Variants in SERPINA12 observed in about 807,000 individuals in gnomAD.
The protein encoded by SERPINA12 is serpin A12.
SERPINA12 carries 21 observed loss-of-function variants against 25.9 expected under a neutral mutation model. The ratio of observed to expected loss-of-function variants is 0.81; its 90% CI spans 0.58 to 1.17. The LOEUF is 1.17. Among genes scored for constraint, SERPINA12 ranks in the 50% most tolerant of loss-of-function variants. The pLI, the probability that SERPINA12 is intolerant of heterozygous loss-of-function variation, is 0.00. For missense variants in SERPINA12, 562 were observed against 508.3 expected (o/e 1.11, Z -1.02); for synonymous variants, 220 against 196.0 (o/e 1.12, Z -1.02).
At chr14:94,491,377 G>GT (rs1052911977) in intron 3 of SERPINA12, among the ~76,000 whole-genome samples, 3 of 151,882 alleles carry the variant, frequency 2.0e-5, no homozygotes, top group South Asian at 2.1e-4. Context: ...ACAAATTGGG[G>GT]TTTTTTTTCC....
At chr14:94,512,137 A>C (rs140100032), upstream of SERPINA12, among the ~76,000 whole-genome samples, 25 of 152,234 alleles carry the variant, frequency 1.6e-4, 1 homozygote, top group East Asian at 4.6e-3. Flanking sequence ...TGGAGGGGTG[A>C]GTTCAACACC....
Position 94,487,436 on chromosome 14 carries a change from G to C in SERPINA12, c.1112C>G (p.Thr371Ser), listed in dbSNP as rs769141715. ...DERGTEGAAG[T>S]GAQTLPMETP... ...CTCCATGGGCAGAGTCTGTGCTCCG[G>C]TGCCAGCGGCCCCTTCCGTACCCCT... The change falls in exon 5 of 5, where the codon ACC (threonine) becomes AGC (serine). Residue 371 changes from threonine (T) to serine (S), a missense_variant. By Grantham distance (58) the Thr-to-Ser change is moderately conservative. Transcript: ENST00000677451. 2 of 1,613,938 alleles carry C rather than the reference G, an allele frequency of 1.2e-6. No individual in the cohort carries two copies. The highest frequency in any genetic ancestry group is 8.5e-7 in the Non-Finnish European group (1 of 1,180,008).
chr14:94,495,100 G>C (rs1900350020), intron 3 of SERPINA12, among the ~76,000 whole-genome samples: 1 of 116,946 alleles, frequency 8.6e-6, no homozygotes, highest in Non-Finnish European at 1.6e-5. Flanking sequence ...ATGGAGTCTC[G>C]CTCTGTCGCC....
chr14:94,512,623 C>CCTAA (rs1330506365), upstream of SERPINA12, among the ~76,000 whole-genome samples: 1 of 151,924 alleles, frequency 6.6e-6, no homozygotes, highest in African/African-American at 2.4e-5. Context: ...GTGTTGTGTG[C>CCTAA]CTAACACTGC....
At chr14:94,488,489 A>G (rs1445916091) in intron 4 of SERPINA12, among the ~76,000 whole-genome samples, 1 of 151,950 alleles carries the variant, frequency 6.6e-6, no homozygotes, top group Non-Finnish European at 1.5e-5. Flanking sequence ...TTTTAACCCC[A>G]AAGTAGGGTT....
intron 1 of SERPINA12, among the ~76,000 whole-genome samples, chr14:94,503,041 C>A (rs1418049753): frequency 6.6e-6 from 1 of 152,218 alleles, no homozygotes; most frequent in Admixed American, 6.5e-5. Context: ...GGCCTCCCAA[C>A]AGAAGACCCT....
chr14:94,506,416 G>C (rs1900934086), intron 1 of SERPINA12, among the ~76,000 whole-genome samples: 1 of 152,204 alleles, frequency 6.6e-6, no homozygotes, highest in African/African-American at 2.4e-5. Context: ...TCTGGGAGGT[G>C]AGAACACACA....
chr14:94,488,820 C>T (rs34333033), intron 4 of SERPINA12, among the ~76,000 whole-genome samples: 19,173 of 152,100 alleles, frequency 0.13, 1,283 homozygotes, highest in Middle Eastern at 0.26. Flanking sequence ...TGGCCTTGGG[C>T]GCGGTGGCTC....
At chr14:94,493,824 T>C (rs1900281227) in intron 3 of SERPINA12, among the ~76,000 whole-genome samples, 1 of 152,178 alleles carries the variant, frequency 6.6e-6, no homozygotes, top group African/African-American at 2.4e-5. Context: ...TTCACTCTTG[T>C]GTAAAGGTGC....
At chr14:94,494,102 C>T (rs889051239) in intron 3 of SERPINA12, among the ~76,000 whole-genome samples, 2 of 152,170 alleles carry the variant, frequency 1.3e-5, no homozygotes, top group African/African-American at 2.4e-5. Context: ...TTGAGTCCTA[C>T]GGGAAATGTC....
intron 1 of SERPINA12, among the ~76,000 whole-genome samples, chr14:94,502,795 G>C (rs1016785926): frequency 3.3e-5 from 5 of 152,218 alleles, no homozygotes; most frequent in African/African-American, 1.2e-4. Context: ...CGAGCTTCAG[G>C]CAACCAGTGT....
At chr14:94,489,841 C>A in intron 3 of SERPINA12, 74 bp from the exon 4 acceptor site, 1 of 1,439,142 alleles carries the variant, frequency 6.9e-7, no homozygotes, top group Non-Finnish European at 9.6e-7. Context: ...GATACATGAC[C>A]AATGAAACAT....
chr14:94,492,035 G>A (rs1411679801), intron 3 of SERPINA12, among the ~76,000 whole-genome samples: 1 of 152,186 alleles, frequency 6.6e-6, no homozygotes, highest in Admixed American at 6.5e-5. Context: ...GGGGTCTCCA[G>A]CAAAGGAGAT....
At chr14:94,493,677 C>T (rs1900275723) in intron 3 of SERPINA12, among the ~76,000 whole-genome samples, 2 of 152,164 alleles carry the variant, frequency 1.3e-5, no homozygotes, top group Admixed American at 1.3e-4. Context: ...CTGAGAGCAG[C>T]TTACACTTGG....
At chr14:94,515,387 A>G (rs1314765810) in intron 2 of SERPINA12, among the ~76,000 whole-genome samples, 4 of 152,168 alleles carry the variant, frequency 2.6e-5, no homozygotes, top group Non-Finnish European at 5.9e-5. Flanking sequence ...CTCCCCTGCA[A>G]GAGGCAATCA....
intron 3 of SERPINA12, among the ~76,000 whole-genome samples, chr14:94,492,581 CAT>C (rs919790425): frequency 6.6e-6 from 1 of 152,194 alleles, no homozygotes; most frequent in Non-Finnish European, 1.5e-5. Flanking sequence ...GAGAGAAAAA[CAT>C]ATGCTGATGT....
At chr14:94,499,846 T>C (rs1015252218) in intron 1 of SERPINA12, among the ~76,000 whole-genome samples, 3 of 152,116 alleles carry the variant, frequency 2.0e-5, no homozygotes, top group African/African-American at 4.8e-5. Context: ...ATAGAATCGG[T>C]CAGTTGGTGG....
At position 94,498,323 on chromosome 14, in the gene SERPINA12, G is replaced by A; in HGVS notation, c.75C>T (p.Phe25=). 1 of 1,614,200 alleles carries A rather than the reference G, an allele frequency of 6.2e-7. No homozygotes were observed. Among genetic ancestry groups the A allele is most frequent in the South Asian group, 1.1e-5 (1 of 91,078 alleles). Residue 25 remains phenylalanine, a synonymous_variant, in exon 2 of 5, where the codon TTC becomes TTT. Transcript: ENST00000677451. Reference sequence around the variant, plus strand: ...TCAAAGCTTTATAATTCCTTGGTGAGAAGCTCGGCTTTAGAAGACCTTTCA... The same window carrying A: ...TCAAAGCTTTATAATTCCTTGGTGAAAAGCTCGGCTTTAGAAGACCTTTCA... The part of the protein sequence containing the change: ...LTVKGLLKPS[F]SPRNYKALSE...
chr14:94,510,509 G>A (rs893819300), upstream of SERPINA12, among the ~76,000 whole-genome samples: 3 of 152,248 alleles, frequency 2.0e-5, no homozygotes, highest in African/African-American at 4.8e-5. Context: ...ACTGCTGGTG[G>A]GAATGTAAAT....
Sources: gnomAD v4.1 joint callset for allele counts (sites outside exome capture counted in the v4.1 genomes callset) on GRCh38, gnomAD v4.1.1 for gene constraint, MANE v1.5 for transcripts, NCBI Gene and HGNC (gene_info 2026-07-23, HGNC 2026-07-21) for gene names.